The following CCDC178 variants were observed in gnomAD, a reference collection of about 807,000 sequenced individuals.
CCDC178 encodes coiled-coil domain-containing protein 178.
A neutral mutation model predicts 117.4 loss-of-function variants in CCDC178; 126 were observed. The ratio of observed to expected loss-of-function variants is 1.07; its 90% CI spans 0.93 to 1.24. The LOEUF (loss-of-function observed/expected upper bound fraction) is 1.24. Ranked by LOEUF, CCDC178 falls within the 50% of genes most tolerant of loss-of-function variation. The pLI is 0.00. For synonymous variants in CCDC178, 283 were observed against 313.4 expected (o/e 0.90, Z 1.02); for missense variants, 1,030 against 986.9 (o/e 1.04, Z -0.59).
At chr18:32,975,203 A>G (rs1280064588) in intron 21 of CCDC178, among the ~76,000 whole-genome samples, 1 of 152,152 alleles carries the variant, frequency 6.6e-6, no homozygotes, top group Non-Finnish European at 1.5e-5. Context: ...AAAGAGAATT[A>G]ACTTAGCCAT....
At position 32,979,316 on chromosome 18, in the gene CCDC178, G is replaced by C. The variant is rs377427836; in HGVS notation, c.2389-4635C>G. Among the ~76,000 whole-genome samples the C allele has an allele frequency of 9.2e-5, 14 of 151,740 alleles. 1 individual carries two copies. In the East Asian group the frequency reaches 1.6e-3, roughly 17 times the overall value. On this transcript the variant is annotated intron_variant, in intron 21 of 22. Coordinates refer to ENST00000383096, the MANE Select transcript of CCDC178 (RefSeq NM_001105528.4). ...GATTACAGGCGACCCCTGCCCCCACGCTGGGCTAATTTTTGTATTTTTAGT... is the reference window on the plus strand; with the variant it reads ...GATTACAGGCGACCCCTGCCCCCACCCTGGGCTAATTTTTGTATTTTTAGT...
chr18:33,284,929 A>G (rs2060078984), intron 12 of CCDC178, among the ~76,000 whole-genome samples: 1 of 151,934 alleles, frequency 6.6e-6, no homozygotes, highest in Admixed American at 6.6e-5. Context: ...ACACACACAC[A>G]CACAGACACA....
chr18:33,282,797 G>A (rs1349537739), intron 12 of CCDC178, among the ~76,000 whole-genome samples: 2 of 152,112 alleles, frequency 1.3e-5, no homozygotes, highest in Non-Finnish European at 2.9e-5. Flanking sequence ...GAGAACCTCG[G>A]AGGGCCCAGA....
chr18:33,203,921 C>G lies in CCDC178; in HGVS notation c.2238+7975G>C, dbSNP rs545792068. On this transcript the variant is annotated intron_variant, in intron 20 of 22. Coordinates refer to ENST00000383096, the MANE Select transcript of CCDC178 (RefSeq NM_001105528.4). ...TATGATAGCTCTTTTAAGACTCTAT[C>G]CAACGTGGATTTTCAATGAGGTCTA... 8.0e-4 allele frequency among the ~76,000 whole-genome samples: 122 copies of G among 152,206 alleles called. 1 individual carries two copies. Among genetic ancestry groups the G allele is most frequent in the African/African-American group, 2.8e-3 (118 of 41,518 alleles).
chr18:33,294,496 C>T (rs1002278312), intron 11 of CCDC178, among the ~76,000 whole-genome samples: 6 of 152,116 alleles, frequency 3.9e-5, no homozygotes, highest in Admixed American at 2.0e-4. Flanking sequence ...ATATGGTGTG[C>T]TTATTGAATT....
chr18:33,334,720 T>C (rs1427541282), intron 9 of CCDC178, among the ~76,000 whole-genome samples: 1 of 152,038 alleles, frequency 6.6e-6, no homozygotes, highest in Non-Finnish European at 1.5e-5. Context: ...TAAGCTGTAG[T>C]TTCTTTTGAT....
intron 21 of CCDC178, among the ~76,000 whole-genome samples, chr18:33,011,107 C>T (rs1598785071): frequency 6.6e-6 from 1 of 152,244 alleles, no homozygotes; most frequent in East Asian, 1.9e-4. Context: ...ACAGCATAAT[C>T]GTCAAAGCCT....
chr18:32,940,644 T>C (rs1025578960), intron 22 of CCDC178, among the ~76,000 whole-genome samples: 3 of 152,084 alleles, frequency 2.0e-5, no homozygotes, highest in Non-Finnish European at 4.4e-5. Context: ...TAGTGCCCAA[T>C]AGTTATTTTT....
chr18:33,080,861 C>G (rs1411774393), intron 21 of CCDC178, among the ~76,000 whole-genome samples: 8 of 152,044 alleles, frequency 5.3e-5, no homozygotes, highest in Admixed American at 4.6e-4. Context: ...GACTGCCACA[C>G]AGAAAAGTAA....
At chr18:33,341,004 C>T (rs976044324) in intron 9 of CCDC178, among the ~76,000 whole-genome samples, 1 of 152,138 alleles carries the variant, frequency 6.6e-6, no homozygotes, top group African/African-American at 2.4e-5. Flanking sequence ...ACAGCTTGCA[C>T]ATGTGCCTAG....
At chr18:33,236,351 A>G (rs2059426439) in intron 15 of CCDC178, among the ~76,000 whole-genome samples, 1 of 152,212 alleles carries the variant, frequency 6.6e-6, no homozygotes, top group Admixed American at 6.5e-5. Context: ...ATAAACCTGA[A>G]TTATCTAAGG....
chr18:33,035,022 C>T (rs8093250), intron 21 of CCDC178, among the ~76,000 whole-genome samples: 4,797 of 151,958 alleles, frequency 0.032, 119 homozygotes, highest in East Asian at 0.08. Flanking sequence ...CAGTGTGGAA[C>T]ATGAGACATG....
At chr18:33,152,263 A>G (rs1198455992) in intron 20 of CCDC178, among the ~76,000 whole-genome samples, 1 of 152,180 alleles carries the variant, frequency 6.6e-6, no homozygotes, top group African/African-American at 2.4e-5. Flanking sequence ...CTATAACTCT[A>G]CACCCAGGGC....
intron 14 of CCDC178, among the ~76,000 whole-genome samples, chr18:33,248,235 G>A (rs989999899): frequency 1.3e-5 from 2 of 151,516 alleles, no homozygotes; most frequent in African/African-American, 4.8e-5. Flanking sequence ...CTAAACTGAC[G>A]TAGCTTAAGA....
At chr18:33,383,358 G>C (rs772640838) in intron 5 of CCDC178, among the ~76,000 whole-genome samples, 2 of 152,012 alleles carry the variant, frequency 1.3e-5, no homozygotes, top group South Asian at 2.1e-4. Context: ...TAATGCACCA[G>C]CTCCACTAAG....
intron 20 of CCDC178, among the ~76,000 whole-genome samples, chr18:33,160,462 G>C (rs930043552): frequency 1.1e-4 from 16 of 152,000 alleles, no homozygotes; most frequent in African/African-American, 3.9e-4. Context: ...TTATATTCAA[G>C]TATTCACATG....
intron 21 of CCDC178, among the ~76,000 whole-genome samples, chr18:33,026,564 G>C (rs544377722): frequency 1.3e-5 from 2 of 152,010 alleles, no homozygotes; most frequent in South Asian, 4.1e-4. Context: ...AACATCCTTA[G>C]ATGTACTAAT....
At chr18:33,374,437 C>G (rs983689676) in intron 5 of CCDC178, among the ~76,000 whole-genome samples, 1 of 152,154 alleles carries the variant, frequency 6.6e-6, no homozygotes, top group East Asian at 1.9e-4. Context: ...CAGTTCAATA[C>G]AACTTCACAC....
chr18:32,969,382 T>C (rs180687351), intron 22 of CCDC178, among the ~76,000 whole-genome samples: 212 of 152,178 alleles, frequency 1.4e-3, no homozygotes, highest in African/African-American at 4.9e-3. Context: ...GCACCTGGCC[T>C]GTTTAATCTA....
Sources: allele counts gnomAD v4.1 joint callset (sites outside exome capture counted in the v4.1 genomes callset), GRCh38; gene constraint gnomAD v4.1.1; transcripts MANE v1.5; gene names NCBI Gene and HGNC (gene_info 2026-07-23, HGNC 2026-07-21).